C1orf116: variants seen among roughly 807,000 people sequenced by gnomAD.
The protein encoded by C1orf116 is specifically androgen-regulated gene protein.
A neutral mutation model predicts 14.1 loss-of-function variants in C1orf116; 12 were observed. The observed-to-expected ratio is 0.85, with a 90% CI of 0.54 to 1.38. C1orf116 has a LOEUF of 1.38. Ranked by LOEUF, C1orf116 falls within the 40% of genes most tolerant of loss-of-function variation. The pLI, the probability that C1orf116 is intolerant of heterozygous loss-of-function variation, is 0.00. For synonymous variants in C1orf116, 296 were observed against 299.0 expected (o/e 0.99, Z 0.10); for missense variants, 797 against 747.0 (o/e 1.07, Z -0.78).
intron 1 of C1orf116, among the ~76,000 whole-genome samples, chr1:207,030,263 A>G (rs1682205676): frequency 6.6e-6 from 1 of 152,214 alleles, no homozygotes; most frequent in African/African-American, 2.4e-5. Context: ...TAAGGGAAAC[A>G]GGGAATGACC....
intron 1 of C1orf116, 94 bp downstream of exon 1, chr1:207,032,485 G>C (rs1682277347): frequency 5.8e-6 from 5 of 858,172 alleles, no homozygotes; most frequent in Non-Finnish European, 7.0e-6. Context: ...CTGGGGTATA[G>C]AGGGACACCT....
intron 1 of C1orf116, among the ~76,000 whole-genome samples, chr1:207,029,675 C>T (rs2629683): frequency 0.11 from 17,049 of 152,138 alleles, 3,119 homozygotes; most frequent in African/African-American, 0.38. Flanking sequence ...TACTTAAATA[C>T]TTAATTTCCT....
chr1:207,032,614 T>G lies in C1orf116; in HGVS notation c.-117A>C. 1.0e-6 allele frequency: 1 copy of G among 985,438 alleles called. No homozygotes were observed. The highest frequency in any genetic ancestry group is 1.2e-6 in the Non-Finnish European group (1 of 829,956). 61.0% of individuals were successfully genotyped at this position (985,438 alleles called of 1,614,324 possible). On this transcript the variant is annotated 5_prime_UTR_variant, in exon 1 of 4. Transcript: ENST00000359470. ...TTGGGGGCTGAAGAGAGAAAAGAAA[T>G]ACCCTTTTGTTTCAAAGGGCAGAGA...
rs1022109312 is a variant in C1orf116 at position 207,021,793 on chromosome 1, A to C, written c.*165T>G. 1 of 630,910 alleles carries C rather than the reference A, an allele frequency of 1.6e-6. No homozygotes were observed. The highest frequency in any genetic ancestry group is 2.5e-6 in the Non-Finnish European group (1 of 404,442). 39.1% of individuals were successfully genotyped at this position (630,910 alleles called of 1,614,324 possible). A position where few individuals can be genotyped will look rare whatever the true frequency, so the allele number is the denominator to read the frequency against. On this transcript the variant is annotated 3_prime_UTR_variant, in exon 4 of 4. Coordinates refer to ENST00000359470, the MANE Select transcript of C1orf116 (RefSeq NM_023938.6). Reference sequence around the variant, plus strand: ...GTGGAGATCACCTTCAGAATGATCCACATGGGAACTCAATGGCACAACACT... The same window carrying C: ...GTGGAGATCACCTTCAGAATGATCCCCATGGGAACTCAATGGCACAACACT...
At position 207,022,434 on chromosome 1, in the gene C1orf116, A is replaced by G. The variant is rs2842726; in HGVS notation, c.1330T>C (p.Ser444Pro). ...TTTGCCCTTGGGGCCTTAGGGATAG[A>G]AATTGGCATAGATTTGCTAGCTGCA... ...NVAASKSMPI[S>P]IPKAPRANSA... The change falls in exon 4 of 4, where the codon TCT becomes CCT. Residue 444 changes from serine to proline, a missense_variant. Coordinates refer to ENST00000359470, the MANE Select transcript of C1orf116 (RefSeq NM_023938.6). 0.99 allele frequency: 1,593,966 copies of G among 1,614,224 alleles called. 787,033 individuals are homozygous for G. The highest frequency in any genetic ancestry group is 1 in the East Asian group (44,868 of 44,870).
Position 207,018,656 on chromosome 1 carries a change from T to C in C1orf116, c.*3302A>G, listed in dbSNP as rs754006720. On this transcript the variant is annotated 3_prime_UTR_variant, in exon 4 of 4. Coordinates refer to ENST00000359470, the MANE Select transcript of C1orf116 (RefSeq NM_023938.6). ...GTCTTATAGGTGAAGACTCTGAGGTTCAGAAAGTTAAAGTGATATCGCCAG... is the reference window on the plus strand; with the variant it reads ...GTCTTATAGGTGAAGACTCTGAGGTCCAGAAAGTTAAAGTGATATCGCCAG... 1.3e-4 allele frequency: 20 copies of C among 152,190 alleles called. No homozygotes were observed. Among genetic ancestry groups the C allele is most frequent in the Admixed American group, 2.6e-4 (4 of 15,280 alleles). 9.4% of individuals were successfully genotyped at this position (152,190 alleles called of 1,614,324 possible).
chr1:207,027,246 C>T (rs760451489), intron 2 of C1orf116, among the ~76,000 whole-genome samples: 2 of 152,222 alleles, frequency 1.3e-5, no homozygotes, highest in Non-Finnish European at 2.9e-5. Flanking sequence ...ACCCAACCCC[C>T]AACCTAATGA....
Position 207,022,406 on chromosome 1 carries a change from C to T in C1orf116, c.1358G>A (p.Ser453Asn). The T allele has an allele frequency of 6.2e-7, 1 of 1,614,180 alleles. No homozygotes were observed. Among genetic ancestry groups the T allele is most frequent in the Non-Finnish European group, 8.5e-7 (1 of 1,180,020 alleles). Residue 453 changes from serine to asparagine, a missense_variant, in exon 4 of 4, where the codon AGT (serine) becomes AAT (asparagine). Transcript: ENST00000359470. ...CTCTGGCTTCGGTGGAGTCAGGGCA[C>T]TGTTTGCCCTTGGGGCCTTAGGGAT... ...ISIPKAPRANSALTPPKPESG... is the reference protein window; with the variant it reads ...ISIPKAPRANNALTPPKPESG...
intron 2 of C1orf116, among the ~76,000 whole-genome samples, chr1:207,025,961 T>C (rs879241218): frequency 6.6e-6 from 1 of 152,182 alleles, no homozygotes; most frequent in Non-Finnish European, 1.5e-5. Flanking sequence ...TTACTGTCTA[T>C]GTTGTATGGG....
rs773588848 is a variant in C1orf116, at chr1:207,021,319, A to C, written c.*639T>G. ...ACAAGAGCTGTTCTGCTATCAATCA[A>C]CCGAGAGATTGGGTTACAGGGACGT... On this transcript the variant is annotated 3_prime_UTR_variant, in exon 4 of 4. Transcript: ENST00000359470. The C allele has an allele frequency of 6.6e-6, 1 of 152,570 alleles. No homozygotes were observed. Among genetic ancestry groups the C allele is most frequent in the Admixed American group, 6.5e-5 (1 of 15,278 alleles). The allele number at this position is 152,570 out of a possible 1,614,324, so 9.5% of individuals were successfully genotyped here. A position where few individuals can be genotyped will look rare whatever the true frequency, so the allele number is the denominator to read the frequency against.
intron 1 of C1orf116, among the ~76,000 whole-genome samples, chr1:207,029,373 CA>C (rs1177619680): frequency 9.2e-5 from 14 of 152,200 alleles, no homozygotes; most frequent in African/African-American, 3.4e-4. Context: ...GTTAGCTCCC[CA>C]ATACCCAGAA....
At chr1:207,029,619 T>C (rs1421292047) in intron 1 of C1orf116, among the ~76,000 whole-genome samples, 1 of 152,212 alleles carries the variant, frequency 6.6e-6, no homozygotes, top group Non-Finnish European at 1.5e-5. Flanking sequence ...TAGGTTGAGC[T>C]TTTGGAAGGC....
At chr1:207,032,049 C>T (rs568877973) in intron 1 of C1orf116, among the ~76,000 whole-genome samples, 5 of 152,278 alleles carry the variant, frequency 3.3e-5, no homozygotes, top group Non-Finnish European at 7.3e-5. Context: ...CAGCTCATGC[C>T]TAACACACCT....
rs770864355 is a variant in C1orf116 at position 207,022,257 on chromosome 1, G to A, written c.1507C>T (p.Pro503Ser). The stretch of plus-strand genomic sequence containing the variant: ...TTTCCCAGAGAAGTGCTGGTTTTGG[G>A]GCTGGCATCTTTCTCAGTTGAAAGG... The part of the protein sequence containing the change: ...SYLSTEKDAS[P>S]KTSTSLGKGS... Residue 503 changes from proline (P) to serine (S), a missense_variant, in exon 4 of 4, where the codon CCC becomes TCC. Coordinates refer to ENST00000359470, the MANE Select transcript of C1orf116 (RefSeq NM_023938.6). The A allele has an allele frequency of 6.2e-7, 1 of 1,613,826 alleles. No homozygotes were observed. Among genetic ancestry groups the A allele is most frequent in the Non-Finnish European group, 8.5e-7 (1 of 1,179,908 alleles).
rs149881160 is a variant in C1orf116 at position 207,025,059 on chromosome 1, A to G, written c.111T>C (p.Asp37=). 8.1e-7 allele frequency: 1 copy of G among 1,241,720 alleles called. No individual in the cohort carries two copies. Among genetic ancestry groups the G allele is most frequent in the South Asian group, 1.2e-5 (1 of 84,428 alleles). The allele number at this position is 1,241,720 out of a possible 1,614,324, so 76.9% of individuals were successfully genotyped here. A position where few individuals can be genotyped will look rare whatever the true frequency, so the allele number is the denominator to read the frequency against. The change falls in exon 3 of 4, where the codon GAT becomes GAC. Residue 37 remains aspartate, a synonymous_variant. Coordinates refer to ENST00000359470, the MANE Select transcript of C1orf116 (RefSeq NM_023938.6). ...CAGTGGACAGGAAGTCGTAGCTGCT[A>G]TCACTCTGTTGGGTTTGGGGTTGGG... ...SSTSTRSGSS[D]SSYDFLSTEE...
In C1orf116 at chr1:207,023,092, C is replaced by T. The variant is rs372334519; in HGVS notation, c.672G>A (p.Gln224=). 10 of 1,612,366 alleles carry T rather than the reference C, an allele frequency of 6.2e-6. No individual in the cohort carries two copies. In the African/African-American group the frequency reaches 1.2e-4, roughly 19 times the overall value. ...EASLPEGPGQ[Q]GHTPQLHTPS... ...GTGTGTGGAGCTGGGGTGTGTGGCC[C>T]TGCTGTCCTGGCCCCTCGGGCAGGC... The change falls in exon 4 of 4, where the codon CAG becomes CAA. Residue 224 remains glutamine, a synonymous_variant. Transcript: ENST00000359470.
Position 207,022,075 on chromosome 1 carries a change from T to A in C1orf116, c.1689A>T (p.Gly563=). The change falls in exon 4 of 4, where the codon GGA becomes GGT. Residue 563 remains glycine (G), a synonymous_variant. Transcript: ENST00000359470. The part of the protein sequence containing the change: ...EQSSKRLSYQ[G]QSRDKLPRPP... ...GGCGAGGAAGCTTGTCACGGCTCTG[T>A]CCTTGGTAGGACAGGCGCTTGGAGC... is the stretch of plus-strand genomic sequence containing the variant. The A allele has an allele frequency of 6.2e-7, 1 of 1,611,502 alleles. No individual in the cohort carries two copies.
intron 3 of C1orf116, among the ~76,000 whole-genome samples, chr1:207,023,704 C>T (rs972235350): frequency 7.2e-5 from 11 of 152,214 alleles, no homozygotes; most frequent in Admixed American, 7.2e-4. Context: ...GGGCCAGGCG[C>T]AGTGTCTCAT....
rs538114540 is a variant in C1orf116 at position 207,021,800 on chromosome 1, A to C, written c.*158T>G. On this transcript the variant is annotated 3_prime_UTR_variant, in exon 4 of 4. Coordinates refer to ENST00000359470, the MANE Select transcript of C1orf116 (RefSeq NM_023938.6). ...TCACCTTCAGAATGATCCACATGGG[A>C]ACTCAATGGCACAACACTGAATATA... 2 of 656,746 alleles carry C rather than the reference A, an allele frequency of 3.0e-6. No homozygotes were observed. Among genetic ancestry groups the C allele is most frequent in the Non-Finnish European group, 4.7e-6 (2 of 424,626 alleles). 40.7% of individuals were successfully genotyped at this position (656,746 alleles called of 1,614,324 possible). A position where few individuals can be genotyped will look rare whatever the true frequency, so the allele number is the denominator to read the frequency against.
Sources: gnomAD v4.1 joint callset for allele counts (sites outside exome capture counted in the v4.1 genomes callset) on GRCh38, gnomAD v4.1.1 for gene constraint, MANE v1.5 for transcripts, NCBI Gene and HGNC (gene_info 2026-07-23, HGNC 2026-07-21) for gene names.